Variants in CADM2 observed in about 807,000 individuals in gnomAD.
CADM2 encodes the protein immunoglobulin superfamily member 4D.
A neutral mutation model predicts 49.8 loss-of-function variants in CADM2; 12 were observed. That is an observed-to-expected ratio of 0.24 (90% confidence interval 0.15 to 0.39). CADM2 has a LOEUF of 0.39. Ranked by LOEUF, CADM2 falls within the 10% of genes least tolerant of loss-of-function variation. The pLI, the probability that CADM2 is intolerant of heterozygous loss-of-function variation, is 1.00. For synonymous variants in CADM2, 214 were observed against 175.4 expected (o/e 1.22, Z -1.74); for missense variants, 378 against 492.3 (o/e 0.77, Z 2.20).
chr3:85,820,706 A>C (rs2108180144), intron 3 of CADM2, among the ~76,000 whole-genome samples: 1 of 152,220 alleles, frequency 6.6e-6, no homozygotes, highest in African/African-American at 2.4e-5. Flanking sequence ...CATGATAGCC[A>C]ATTGGGTATA....
At position 85,961,641 on chromosome 3, in the gene CADM2, G is replaced by A. The variant is rs1462284274; in HGVS notation, c.964G>A (p.Val322Met). 2 of 1,534,530 alleles carry A rather than the reference G, an allele frequency of 1.3e-6. No homozygotes were observed. The highest frequency in any genetic ancestry group is 2.5e-5 in the South Asian group (2 of 79,906). Residue 322 changes from valine to methionine, a missense_variant, in exon 8 of 10, where the codon GTG becomes ATG. Physicochemically the swap from Val to Met is conservative, Grantham distance 21. Transcript: ENST00000383699. The stretch of plus-strand genomic sequence containing the variant: ...AAGCAGTGCGGAATATGTTCTCATT[G>A]TGCATGGTGAGTAAATTTTGGAAAA... ...GQSSAEYVLI[V>M]HDPNALAGQN...
intron 1 of CADM2, among the ~76,000 whole-genome samples, chr3:85,161,481 AG>A (rs2040322514): frequency 6.6e-6 from 1 of 152,108 alleles, no homozygotes; most frequent in African/African-American, 2.4e-5. Flanking sequence ...CTCCAAGTTC[AG>A]GGAATCCACA....
chr3:85,706,685 A>G (rs2066960964), intron 1 of CADM2, among the ~76,000 whole-genome samples: 5 of 152,206 alleles, frequency 3.3e-5, no homozygotes, highest in South Asian at 2.1e-4. Flanking sequence ...ACATTTCTCA[A>G]TAACTGAATA....
At chr3:85,767,311 C>T (rs80134033) in intron 2 of CADM2, among the ~76,000 whole-genome samples, 3,027 of 152,162 alleles carry the variant, frequency 0.02, 45 homozygotes, top group South Asian at 0.031. Flanking sequence ...ACAAATAAGC[C>T]GGCGGCTGCT....
At chr3:85,143,247 C>T (rs907755691) in intron 1 of CADM2, among the ~76,000 whole-genome samples, 2 of 152,074 alleles carry the variant, frequency 1.3e-5, no homozygotes, top group African/African-American at 2.4e-5. Flanking sequence ...CTTTCGGGGG[C>T]CAAGACAGAA....
intron 1 of CADM2, among the ~76,000 whole-genome samples, chr3:85,174,038 T>C (rs2107690024): frequency 6.6e-6 from 1 of 152,242 alleles, no homozygotes; most frequent in South Asian, 2.1e-4. Context: ...CTTTTTGTGA[T>C]GCTCCTGACT....
At chr3:85,537,230 A>G (rs946415331) in intron 1 of CADM2, among the ~76,000 whole-genome samples, 1 of 152,102 alleles carries the variant, frequency 6.6e-6, no homozygotes, top group Non-Finnish European at 1.5e-5. Context: ...AACATATTGG[A>G]ATGTTGAAAT....
chr3:85,611,085 G>T (rs755628707), intron 1 of CADM2, among the ~76,000 whole-genome samples: 31 of 151,814 alleles, frequency 2.0e-4, no homozygotes, highest in Non-Finnish European at 3.5e-4. Context: ...ACAAAGAAAA[G>T]AAGAAACAAA....
intron 1 of CADM2, among the ~76,000 whole-genome samples, chr3:85,526,932 G>A (rs1244585148): frequency 6.6e-6 from 1 of 152,172 alleles, no homozygotes; most frequent in Non-Finnish European, 1.5e-5. Flanking sequence ...ACACAATTCA[G>A]TTTTAATCTG....
rs544337978 is a variant in CADM2 at position 84,959,421 on chromosome 3, G to T, written c.-187G>T. On this transcript the variant is annotated 5_prime_UTR_variant, in exon 1 of 10. Transcript: ENST00000383699. ...TATTTCGCGATACCCCATTCTGCGG[G>T]TGCTTTGCCGCTGCCGCTTCTGCTG... 4.8e-4 allele frequency: 285 copies of T among 591,262 alleles called. 1 individual carries two copies. Among genetic ancestry groups the T allele is most frequent in the African/African-American group, 4.6e-3 (245 of 52,926 alleles). 36.6% of individuals were successfully genotyped at this position (591,262 alleles called of 1,614,324 possible). A position where few individuals can be genotyped will look rare whatever the true frequency, so the allele number is the denominator to read the frequency against.
intron 1 of CADM2, among the ~76,000 whole-genome samples, chr3:85,457,215 C>T (rs188038720): frequency 6.6e-6 from 1 of 152,102 alleles, no homozygotes; most frequent in East Asian, 1.9e-4. Context: ...GAGGTTGGTA[C>T]CAGTCTGGGC....
In CADM2 at chr3:85,776,012, A is replaced by T. The variant is rs559122659; in HGVS notation, c.89-26035A>T. On this transcript the variant is annotated intron_variant, in intron 2 of 9. Transcript: ENST00000383699. ...ATTACTTTAATGCACATATCAATAT[A>T]CAAGCCAGTTGCTTTTATTTCAGCA... Among the ~76,000 whole-genome samples, 3 of 152,016 alleles carry T rather than the reference A, an allele frequency of 2.0e-5. No individual in the cohort carries two copies. The South Asian group carries it at 6.2e-4, about 31-fold the overall frequency.
intron 1 of CADM2, among the ~76,000 whole-genome samples, chr3:85,511,532 G>T (rs1452757905): frequency 6.6e-6 from 1 of 151,962 alleles, no homozygotes; most frequent in Admixed American, 6.6e-5. Flanking sequence ...AAGCTGTTTT[G>T]GAAAGTAATA....
intron 2 of CADM2, 63 bp from the exon 3 acceptor site, chr3:85,801,984 T>A: frequency 2.8e-6 from 4 of 1,415,380 alleles, no homozygotes; most frequent in Non-Finnish European, 3.9e-6. Flanking sequence ...CCAGTGTAGA[T>A]CTTAGGCAGT....
chr3:85,637,618 A>T (rs1206362227), intron 1 of CADM2, among the ~76,000 whole-genome samples: 1 of 143,916 alleles, frequency 6.9e-6, no homozygotes, highest in Non-Finnish European at 1.5e-5. Flanking sequence ...CAAAAAAAAA[A>T]AAAAAAATAA....
intron 2 of CADM2, among the ~76,000 whole-genome samples, chr3:85,798,021 C>CT (rs1208262081): frequency 6.6e-6 from 1 of 151,602 alleles, no homozygotes; most frequent in African/African-American, 2.4e-5. Context: ...TGATGATGAA[C>CT]TTTTTTTTTC....
intron 1 of CADM2, among the ~76,000 whole-genome samples, chr3:85,530,186 C>A (rs576121135): frequency 6.6e-6 from 1 of 152,068 alleles, no homozygotes. Flanking sequence ...TCCTTTTTCA[C>A]ACACTTGCTT....
chr3:85,782,603 C>G (rs1258055679), intron 2 of CADM2, among the ~76,000 whole-genome samples: 2 of 150,630 alleles, frequency 1.3e-5, no homozygotes, highest in East Asian at 1.9e-4. Flanking sequence ...TTTCAGTGAG[C>G]CAAGATCGTG....
chr3:85,464,220 A>C (rs1306591209), intron 1 of CADM2, among the ~76,000 whole-genome samples: 3 of 152,066 alleles, frequency 2.0e-5, no homozygotes, highest in Admixed American at 1.3e-4. Context: ...ATATAGATGG[A>C]CTCGAAATAT....
Sources: gnomAD v4.1 joint callset for allele counts (sites outside exome capture counted in the v4.1 genomes callset) on GRCh38, gnomAD v4.1.1 for gene constraint, MANE v1.5 for transcripts, NCBI Gene and HGNC (gene_info 2026-07-23, HGNC 2026-07-21) for gene names.